DPP6: variants seen among roughly 807,000 people sequenced by gnomAD.
DPP6 encodes A-type potassium channel modulatory protein DPP6.
Under a neutral mutation model 122.6 loss-of-function variants are expected in DPP6, and 69 were observed. The observed-to-expected ratio is 0.56, with a 90% CI of 0.46 to 0.69. DPP6 has a LOEUF of 0.69. Ranked by LOEUF, DPP6 falls within the 30% of genes least tolerant of loss-of-function variation. The probability of loss-of-function intolerance (pLI) is 0.00; values close to 1 mark genes in which losing one functional copy is unlikely to be tolerated. For synonymous variants in DPP6, 418 were observed against 433.1 expected (o/e 0.97, Z 0.43); for missense variants, 928 against 1,116.9 (o/e 0.83, Z 2.41).
At chr7:154,219,695 C>T (rs926370044) in intron 1 of DPP6, among the ~76,000 whole-genome samples, 3 of 152,104 alleles carry the variant, frequency 2.0e-5, no homozygotes, top group Non-Finnish European at 4.4e-5. Context: ...AAGTGATTCT[C>T]CTGCCTCAGC....
chr7:154,466,897 G>T (rs1022250229), intron 2 of DPP6, among the ~76,000 whole-genome samples: 1 of 152,168 alleles, frequency 6.6e-6, no homozygotes, highest in Non-Finnish European at 1.5e-5. Context: ...GATCTCATCA[G>T]TTCAGAACTC....
chr7:154,448,264 T>C (rs551459400), intron 2 of DPP6, among the ~76,000 whole-genome samples: 2 of 152,152 alleles, frequency 1.3e-5, no homozygotes, highest in Non-Finnish European at 2.9e-5. Context: ...CAAAAATCAT[T>C]TGCATTTTTA....
rs758111990 is a variant in DPP6, at chr7:154,889,336, C to T, written c.2369C>T (p.Thr790Ile). 1 of 1,612,886 alleles carries T rather than the reference C, an allele frequency of 6.2e-7. No individual in the cohort carries two copies. Among genetic ancestry groups the T allele is most frequent in the Non-Finnish European group, 8.5e-7 (1 of 1,179,656 alleles). ...CAGCAGTTCCTGATCATTCATCCCACTGCCGATGGTAAGGACTGAAAACAT... is the reference window on the plus strand; with the variant it reads ...CAGCAGTTCCTGATCATTCATCCCATTGCCGATGGTAAGGACTGAAAACAT... The part of the protein sequence containing the change: ...EEQQFLIIHP[T>I]ADEKIHFQHT... Residue 790 changes from threonine to isoleucine, a missense_variant, in exon 24 of 26, where the codon ACT becomes ATT. Physicochemically the swap from Thr to Ile is moderately conservative, Grantham distance 89 (BLOSUM62 -1). Coordinates refer to ENST00000377770, the MANE Select transcript of DPP6 (RefSeq NM_130797.4).
intron 6 of DPP6, among the ~76,000 whole-genome samples, chr7:154,662,257 T>A (rs1178994260): frequency 6.6e-6 from 1 of 151,796 alleles, no homozygotes; most frequent in South Asian, 2.1e-4. Flanking sequence ...AGCCATAGTG[T>A]TCATATAGTC....
At chr7:154,531,622 TA>T (rs1337899036) in intron 3 of DPP6, among the ~76,000 whole-genome samples, 1 of 152,220 alleles carries the variant, frequency 6.6e-6, no homozygotes, top group Non-Finnish European at 1.5e-5. Flanking sequence ...CAATTGTGGA[TA>T]AATGCAAAAG....
At chr7:154,396,136 A>C (rs185578107) in intron 1 of DPP6, among the ~76,000 whole-genome samples, 10 of 152,298 alleles carry the variant, frequency 6.6e-5, no homozygotes, top group African/African-American at 2.4e-4. Flanking sequence ...CACAAATAAA[A>C]ATTATAACAA....
chr7:154,322,238 C>G (rs1808036059), intron 1 of DPP6, among the ~76,000 whole-genome samples: 3 of 152,164 alleles, frequency 2.0e-5, no homozygotes, highest in Admixed American at 2.0e-4. Context: ...TTGTAAAACC[C>G]CACAATTAGG....
chr7:154,664,592 A>G (rs923701274), intron 6 of DPP6, among the ~76,000 whole-genome samples: 2 of 151,934 alleles, frequency 1.3e-5, no homozygotes, highest in Non-Finnish European at 2.9e-5. Flanking sequence ...ACCTTTATTT[A>G]CTAATTTATT....
intron 5 of DPP6, among the ~76,000 whole-genome samples, chr7:154,570,018 G>A (rs957988429): frequency 6.6e-6 from 1 of 151,904 alleles, no homozygotes; most frequent in African/African-American, 2.4e-5. Flanking sequence ...CAGGGTATAT[G>A]TGTTTGAGCA....
chr7:154,631,590 A>G (rs1400133941), intron 5 of DPP6, among the ~76,000 whole-genome samples: 2 of 151,896 alleles, frequency 1.3e-5, no homozygotes, highest in East Asian at 3.9e-4. Context: ...TCACTTGAGC[A>G]TGGGAGGCAG....
chr7:153,828,655 G>A, the DPP6 span, among the ~76,000 whole-genome samples: 9 of 152,170 alleles, frequency 5.9e-5, no homozygotes, highest in African/African-American at 2.2e-4. Context: ...ATGTTTGTAT[G>A]TGCGTGGGGA....
chr7:153,833,788 C>T, the DPP6 span, among the ~76,000 whole-genome samples: 2 of 152,110 alleles, frequency 1.3e-5, no homozygotes, highest in African/African-American at 4.8e-5. Flanking sequence ...CAACATGGTC[C>T]TAAGTAACTC....
At chr7:153,789,812 T>C in the DPP6 span, among the ~76,000 whole-genome samples, 2,317 of 152,264 alleles carry the variant, frequency 0.015, 32 homozygotes, top group Admixed American at 0.02. Flanking sequence ...GTGGCAACTA[T>C]CATTAAGGAT....
chr7:154,350,970 G>A (rs760876326), intron 1 of DPP6, among the ~76,000 whole-genome samples: 19 of 152,204 alleles, frequency 1.2e-4, no homozygotes, highest in Non-Finnish European at 2.8e-4. Context: ...GGCATTTTCA[G>A]ATGGGCTGGA....
At chr7:154,578,971 T>A (rs1363140570) in intron 5 of DPP6, among the ~76,000 whole-genome samples, 1 of 152,188 alleles carries the variant, frequency 6.6e-6, no homozygotes, top group Non-Finnish European at 1.5e-5. Flanking sequence ...CACTCCATAA[T>A]CTAGCTCTCC....
At chr7:154,569,348 G>T (rs1463135390) in intron 5 of DPP6, among the ~76,000 whole-genome samples, 1 of 151,808 alleles carries the variant, frequency 6.6e-6, no homozygotes, top group African/African-American at 2.4e-5. Flanking sequence ...ATTATCCATT[G>T]GTATTCTTTA....
At chr7:154,154,704 C>G (rs1290190188) in intron 1 of DPP6, among the ~76,000 whole-genome samples, 1 of 152,198 alleles carries the variant, frequency 6.6e-6, no homozygotes, top group Non-Finnish European at 1.5e-5. Flanking sequence ...TCCCCACTTT[C>G]AAATATCTCC....
intron 1 of DPP6, among the ~76,000 whole-genome samples, chr7:153,958,358 C>T (rs1195518225): frequency 2.0e-5 from 3 of 152,092 alleles, no homozygotes; most frequent in South Asian, 2.1e-4. Flanking sequence ...TCCCTCCACC[C>T]GAGCAGGTAG....
At chr7:154,212,147 C>CCATCA in intron 1 of DPP6, among the ~76,000 whole-genome samples, 1 of 152,244 alleles carries the variant, frequency 6.6e-6, no homozygotes, top group African/African-American at 2.4e-5. Context: ...CACTCCCATG[C>CCATCA]CTGCCTCTTC....
Sources: gnomAD v4.1 joint callset for allele counts (sites outside exome capture counted in the v4.1 genomes callset) on GRCh38, gnomAD v4.1.1 for gene constraint, MANE v1.5 for transcripts, NCBI Gene and HGNC (gene_info 2026-07-23, HGNC 2026-07-21) for gene names.